Variants in FARS2 observed in about 807,000 individuals in gnomAD.
The protein encoded by FARS2 is phenylalanyl-tRNA synthetase 2, mitochondrial.
A neutral mutation model predicts 46.4 loss-of-function variants in FARS2; 40 were observed. The ratio of observed to expected loss-of-function variants is 0.86; its 90% CI spans 0.67 to 1.12. The LOEUF is 1.12. Ranked by LOEUF, FARS2 falls within the 50% of genes most tolerant of loss-of-function variation. The pLI is 0.00. For missense variants in FARS2, 513 were observed against 567.9 expected (o/e 0.90, Z 0.98); for synonymous variants, 234 against 214.9 (o/e 1.09, Z -0.78).
chr6:5,449,801 TG>T (rs1179451964), intron 4 of FARS2, among the ~76,000 whole-genome samples: 2 of 152,248 alleles, frequency 1.3e-5, no homozygotes, highest in African/African-American at 4.8e-5. Context: ...GAGCATCATG[TG>T]GGCCCTCAAA....
chr6:5,634,776 G>T (rs1028470607), intron 6 of FARS2, among the ~76,000 whole-genome samples: 2 of 152,226 alleles, frequency 1.3e-5, no homozygotes, highest in Admixed American at 1.3e-4. Flanking sequence ...GGAGGCCACA[G>T]TGTAGCCAGA....
chr6:5,476,567 G>A (rs930432854), intron 4 of FARS2, among the ~76,000 whole-genome samples: 1 of 152,142 alleles, frequency 6.6e-6, no homozygotes, highest in Non-Finnish European at 1.5e-5. Context: ...GAGTGAGGGA[G>A]GGATGAACAA....
At chr6:5,590,034 A>G (rs967166920) in intron 5 of FARS2, among the ~76,000 whole-genome samples, 7 of 152,210 alleles carry the variant, frequency 4.6e-5, no homozygotes, top group Non-Finnish European at 7.3e-5. Context: ...GGAAACCAAT[A>G]TAGTACTTCA....
At chr6:5,685,788 G>A (rs938102437) in intron 6 of FARS2, among the ~76,000 whole-genome samples, 3 of 152,194 alleles carry the variant, frequency 2.0e-5, no homozygotes, top group African/African-American at 7.2e-5. Context: ...GGGCTTCCTA[G>A]AAGAGGCCCA....
chr6:5,641,523 C>T (rs941424290), intron 6 of FARS2, among the ~76,000 whole-genome samples: 1 of 152,124 alleles, frequency 6.6e-6, no homozygotes, highest in African/African-American at 2.4e-5. Flanking sequence ...TCTCAAACCC[C>T]TGACCTCAGG....
intron 4 of FARS2, chr6:5,431,703 G>T: frequency 5.6e-6 from 3 of 532,630 alleles, no homozygotes; most frequent in Non-Finnish European, 1.2e-5. Context: ...ATGGAAACAC[G>T]AGGTTGCTGA....
chr6:5,446,489 C>A (rs895383306), intron 4 of FARS2, among the ~76,000 whole-genome samples: 2 of 152,140 alleles, frequency 1.3e-5, no homozygotes, highest in Non-Finnish European at 2.9e-5. Context: ...AGGAACCATA[C>A]CCACATCATA....
chr6:5,492,617 T>C (rs1767189752), intron 4 of FARS2, among the ~76,000 whole-genome samples: 1 of 152,250 alleles, frequency 6.6e-6, no homozygotes, highest in Non-Finnish European at 1.5e-5. Context: ...AATGCCAATG[T>C]TGGCAGTTGG....
chr6:5,577,004 C>T (rs114382341), intron 5 of FARS2, among the ~76,000 whole-genome samples: 3 of 152,022 alleles, frequency 2.0e-5, no homozygotes, highest in Non-Finnish European at 4.4e-5. Context: ...TAAGGGTATA[C>T]ACCTATATAA....
Position 5,343,312 on chromosome 6 carries a change from A to G in FARS2, c.-21-25238A>G, listed in dbSNP as rs1043756433. On this transcript the variant is annotated intron_variant, in intron 1 of 6. Transcript: ENST00000274680. The surrounding 1 kb of genome is among the most constrained non-coding windows in gnomAD (Gnocchi z 4.5). Reference sequence around the variant, plus strand: ...CTGCAACCTTCACCGCCCTGGTTCCAGTGATTCTCCTGTCTCAGCCTTCCT... The same window carrying G: ...CTGCAACCTTCACCGCCCTGGTTCCGGTGATTCTCCTGTCTCAGCCTTCCT... 6.6e-6 allele frequency among the ~76,000 whole-genome samples: 1 copy of G among 152,122 alleles called. No individual in the cohort carries two copies. Among genetic ancestry groups the G allele is most frequent in the Non-Finnish European group, 1.5e-5 (1 of 68,024 alleles).
At chr6:5,350,446 A>G (rs1370761026) in intron 1 of FARS2, among the ~76,000 whole-genome samples, 2 of 152,192 alleles carry the variant, frequency 1.3e-5, no homozygotes, top group Non-Finnish European at 2.9e-5. Flanking sequence ...AGCGATAGTA[A>G]CGAAGGCACT....
At chr6:5,563,459 A>T (rs2150543097) in intron 5 of FARS2, among the ~76,000 whole-genome samples, 1 of 152,228 alleles carries the variant, frequency 6.6e-6, no homozygotes, top group East Asian at 1.9e-4. Flanking sequence ...CTTTACAAGA[A>T]ACTTTTCCAG....
intron 4 of FARS2, among the ~76,000 whole-genome samples, chr6:5,489,513 G>A (rs1766974334): frequency 6.6e-6 from 1 of 152,188 alleles, no homozygotes; most frequent in Admixed American, 6.5e-5. Context: ...GACATTTGAT[G>A]TTTCAATGTT....
intron 1 of FARS2, among the ~76,000 whole-genome samples, chr6:5,267,713 C>T (rs1040948249): frequency 6.7e-6 from 1 of 149,888 alleles, no homozygotes; most frequent in African/African-American, 2.5e-5. Flanking sequence ...GAGATCGCAC[C>T]ACTGCACTCC....
chr6:5,364,618 G>A (rs1337813607), intron 1 of FARS2, among the ~76,000 whole-genome samples: 4 of 152,166 alleles, frequency 2.6e-5, no homozygotes, highest in Non-Finnish European at 5.9e-5. Flanking sequence ...GAGTATTTAG[G>A]CTTTGTGAGC....
chr6:5,401,668 T>C (rs991188013), intron 2 of FARS2, among the ~76,000 whole-genome samples: 3 of 149,934 alleles, frequency 2.0e-5, no homozygotes, highest in Middle Eastern at 3.4e-3. Context: ...GTGACATTCC[T>C]ATGCTCTTGT....
At chr6:5,557,874 A>G (rs191607669) in intron 5 of FARS2, among the ~76,000 whole-genome samples, 20 of 152,250 alleles carry the variant, frequency 1.3e-4, no homozygotes, top group Non-Finnish European at 2.4e-4. Flanking sequence ...GTGTGTAGCT[A>G]TGGAACACTT....
intron 2 of FARS2, among the ~76,000 whole-genome samples, chr6:5,397,613 A>T (rs1301776355): frequency 6.6e-6 from 1 of 152,246 alleles, no homozygotes; most frequent in Non-Finnish European, 1.5e-5. Flanking sequence ...ATGCTTAAAA[A>T]AGTCTTTATT....
intron 4 of FARS2, among the ~76,000 whole-genome samples, chr6:5,450,080 G>T (rs775266668): frequency 6.6e-6 from 1 of 152,212 alleles, no homozygotes; most frequent in Non-Finnish European, 1.5e-5. Context: ...AAAACAATCC[G>T]TGTAGAAGTG....
Sources: allele counts gnomAD v4.1 joint callset (sites outside exome capture counted in the v4.1 genomes callset), GRCh38; gene constraint gnomAD v4.1.1; non-coding constraint Gnocchi (gnomAD v3.1); transcripts MANE v1.5; gene names NCBI Gene and HGNC (gene_info 2026-07-23, HGNC 2026-07-21).